ERICH1: variants seen among roughly 807,000 people sequenced by gnomAD.
ERICH1 encodes glutamate rich 1, also known as glutamate-rich protein 1.
In ERICH1, 56 loss-of-function variants were observed where a neutral mutation model predicts 39.6. The ratio of observed to expected loss-of-function variants is 1.41; its 90% CI spans 1.14 to 1.77. ERICH1 has a LOEUF of 1.77. Among genes scored for constraint, ERICH1 ranks in the 40% most tolerant of loss-of-function variants. ERICH1 has a pLI of 0.00. For missense variants in ERICH1, 826 were observed against 575.4 expected (o/e 1.44, Z -4.45); for synonymous variants, 313 against 223.6 (o/e 1.40, Z -3.57).
At chr8:638,263 T>C (rs1798604002) in intron 3 of ERICH1, among the ~76,000 whole-genome samples, 1 of 152,202 alleles carries the variant, frequency 6.6e-6, no homozygotes, top group Non-Finnish European at 1.5e-5. Context: ...AGACCTTGCT[T>C]ACAGGGCTTT....
intron 3 of ERICH1, among the ~76,000 whole-genome samples, chr8:633,437 C>T (rs1194624963): frequency 6.6e-6 from 1 of 152,118 alleles, no homozygotes; most frequent in African/African-American, 2.4e-5. Context: ...GAAAAGGGCC[C>T]CCAAAGTACA....
At chr8:694,701 CATA>C (rs1809730196) in intron 2 of ERICH1, among the ~76,000 whole-genome samples, 1 of 152,214 alleles carries the variant, frequency 6.6e-6, no homozygotes, top group African/African-American at 2.4e-5. Context: ...CCATGTAACC[CATA>C]ATACCTTCTG....
chr8:687,503 G>T (rs1807703568), intron 3 of ERICH1, among the ~76,000 whole-genome samples: 1 of 152,260 alleles, frequency 6.6e-6, no homozygotes, highest in Non-Finnish European at 1.5e-5. Flanking sequence ...CACCCCATGG[G>T]CAGAGAAGGG....
At chr8:706,930 C>A (rs950493474) in intron 2 of ERICH1, among the ~76,000 whole-genome samples, 32 of 152,266 alleles carry the variant, frequency 2.1e-4, no homozygotes, top group African/African-American at 7.2e-4. Context: ...CAGTGTTCTA[C>A]AAACTCATGC....
At chr8:672,475 G>C (rs1004238624) in intron 4 of ERICH1, among the ~76,000 whole-genome samples, 1 of 152,066 alleles carries the variant, frequency 6.6e-6, no homozygotes, top group Non-Finnish European at 1.5e-5. Context: ...TCTCAATCTT[G>C]CTCATAAGAA....
chr8:693,287 T>C (rs575686989), intron 2 of ERICH1, among the ~76,000 whole-genome samples: 8 of 152,320 alleles, frequency 5.3e-5, no homozygotes, highest in Admixed American at 4.6e-4. Context: ...CAGGAGATCG[T>C]GTCACATACT....
chr8:680,413 T>C (rs1275420305), intron 3 of ERICH1, among the ~76,000 whole-genome samples: 1 of 146,920 alleles, frequency 6.8e-6, no homozygotes, highest in African/African-American at 2.6e-5. Flanking sequence ...TCCAAGAGAA[T>C]CCATAGCTGC....
chr8:643,776 G>C (rs1025193354), intron 3 of ERICH1, among the ~76,000 whole-genome samples: 1 of 152,212 alleles, frequency 6.6e-6, no homozygotes, highest in African/African-American at 2.4e-5. Flanking sequence ...GGTTGTAGGC[G>C]CAACTTCCTT....
intron 4 of ERICH1, among the ~76,000 whole-genome samples, chr8:671,080 A>T (rs1251622844): frequency 1.6e-5 from 2 of 125,268 alleles, no homozygotes; most frequent in African/African-American, 6.3e-5. Flanking sequence ...TGAACCTGCC[A>T]GCCCCGGCTC....
At chr8:657,823 G>C (rs1800859501) in intron 3 of ERICH1, among the ~76,000 whole-genome samples, 1 of 152,160 alleles carries the variant, frequency 6.6e-6, no homozygotes, top group Non-Finnish European at 1.5e-5. Flanking sequence ...GAAGATCCCA[G>C]ATGCTGTTGG....
chr8:731,206 G>A lies in ERICH1; in HGVS notation c.-45C>T, dbSNP rs11781283. ...CTCAGACCACGGCGCGCGGTCCTGA[G>A]CTGAGCGCCGTGCCTTCCGGGTTCC... On this transcript the variant is annotated 5_prime_UTR_variant, in exon 1 of 6. Transcript: ENST00000262109. 6 of 1,460,358 alleles carry A rather than the reference G, an allele frequency of 4.1e-6. No individual in the cohort carries two copies. Among genetic ancestry groups the A allele is most frequent in the East Asian group, 2.8e-5 (1 of 35,408 alleles). 90.5% of individuals were successfully genotyped at this position (1,460,358 alleles called of 1,614,324 possible).
chr8:715,409 C>G (rs898341940), intron 2 of ERICH1, among the ~76,000 whole-genome samples: 4 of 152,236 alleles, frequency 2.6e-5, no homozygotes, highest in African/African-American at 9.6e-5. Context: ...CCACCAAGAG[C>G]TTAACATGGG....
intron 4 of ERICH1, among the ~76,000 whole-genome samples, chr8:672,915 C>G (rs1261150576): frequency 6.6e-6 from 1 of 152,248 alleles, no homozygotes; most frequent in African/African-American, 2.4e-5. Flanking sequence ...AACCTCCAAT[C>G]TGGATTTATC....
intron 3 of ERICH1, chr8:616,553 C>T (rs1469048684): frequency 1.1e-5 from 5 of 455,726 alleles, no homozygotes; most frequent in African/African-American, 1.0e-4. Context: ...CATCTGGGAA[C>T]TGGAGCTGAA....
chr8:678,485 A>G (rs938117700), intron 3 of ERICH1, among the ~76,000 whole-genome samples: 1 of 152,220 alleles, frequency 6.6e-6, no homozygotes, highest in African/African-American at 2.4e-5. Context: ...AAATGAGTCT[A>G]GTTAAAAATA....
chr8:660,504 C>T (rs759980381), downstream of ERICH1, among the ~76,000 whole-genome samples: 6 of 152,344 alleles, frequency 3.9e-5, no homozygotes, highest in South Asian at 4.1e-4. Flanking sequence ...TGCGGCCACA[C>T]GAACAGCATT....
intron 2 of ERICH1, among the ~76,000 whole-genome samples, chr8:700,296 G>C (rs111162127): frequency 0.5 from 8,907 of 17,972 alleles, 2,694 homozygotes; most frequent in Non-Finnish European, 0.63. Context: ...CACAGGCCCG[G>C]ACACGCGCAC....
chr8:664,811 G>A (rs1801944653), intron 5 of ERICH1, 135 bp from the exon 6 acceptor site: 1 of 633,780 alleles, frequency 1.6e-6, no homozygotes, highest in Non-Finnish European at 2.7e-6. Flanking sequence ...ACTTTGGCAT[G>A]AAACTGATGT....
At chr8:700,959 G>A (rs914616238) in intron 2 of ERICH1, among the ~76,000 whole-genome samples, 4 of 152,266 alleles carry the variant, frequency 2.6e-5, no homozygotes, top group Non-Finnish European at 1.5e-5. Context: ...AAATGACAGA[G>A]GAAAAGCAGC....
Sources: gnomAD v4.1 joint callset for allele counts (sites outside exome capture counted in the v4.1 genomes callset) on GRCh38, gnomAD v4.1.1 for gene constraint, MANE v1.5 for transcripts, NCBI Gene and HGNC (gene_info 2026-07-23, HGNC 2026-07-21) for gene names.